Variants in SGCZ observed in about 807,000 individuals in gnomAD.
SGCZ encodes the protein sarcoglycan zeta, also known as zeta-sarcoglycan.
Under a neutral mutation model 41.3 loss-of-function variants are expected in SGCZ, and 40 were observed. That is an observed-to-expected ratio of 0.97 (90% confidence interval 0.75 to 1.26). SGCZ has a LOEUF of 1.26. Among genes scored for constraint, SGCZ ranks in the 50% most tolerant of loss-of-function variants. The probability of loss-of-function intolerance (pLI) is 0.00; values close to 1 mark genes in which losing one functional copy is unlikely to be tolerated. For missense variants in SGCZ, 552 were observed against 369.8 expected (o/e 1.49, Z -4.04); for synonymous variants, 206 against 137.5 (o/e 1.50, Z -3.49).
At chr8:14,408,536 C>T (rs112309629) in intron 2 of SGCZ, among the ~76,000 whole-genome samples, 3,693 of 152,278 alleles carry the variant, frequency 0.024, 107 homozygotes, top group African/African-American at 0.068. Flanking sequence ...GGTTCCCACA[C>T]TTCCAAATTT....
At chr8:14,177,542 T>A (rs1466580059) in intron 4 of SGCZ, among the ~76,000 whole-genome samples, 4 of 152,140 alleles carry the variant, frequency 2.6e-5, no homozygotes, top group Non-Finnish European at 5.9e-5. Context: ...CGGAGTCTCG[T>A]GCTGTCACCC....
intron 2 of SGCZ, among the ~76,000 whole-genome samples, chr8:14,473,634 C>T (rs1056473446): frequency 6.6e-6 from 1 of 151,832 alleles, no homozygotes; most frequent in African/African-American, 2.4e-5. Flanking sequence ...TATATGTCAA[C>T]AGAAGTAAAA....
chr8:14,134,696 C>A (rs1003902107), intron 5 of SGCZ, among the ~76,000 whole-genome samples: 2 of 152,140 alleles, frequency 1.3e-5, no homozygotes, highest in Non-Finnish European at 2.9e-5. Flanking sequence ...CAGGTGTTAG[C>A]TCTCAGCCTA....
At chr8:14,230,282 G>C (rs942164727) in intron 4 of SGCZ, among the ~76,000 whole-genome samples, 1 of 152,060 alleles carries the variant, frequency 6.6e-6, no homozygotes, top group Non-Finnish European at 1.5e-5. Context: ...CTAAATCCCA[G>C]AGACTTGGTC....
intron 1 of SGCZ, among the ~76,000 whole-genome samples, chr8:14,815,629 A>G (rs6530805): frequency 0.37 from 56,988 of 152,098 alleles, 14,797 homozygotes; most frequent in African/African-American, 0.72. Context: ...AGAAATATGC[A>G]GTACCTATTC....
At chr8:14,710,796 A>C (rs1337184884) in intron 1 of SGCZ, among the ~76,000 whole-genome samples, 1 of 152,186 alleles carries the variant, frequency 6.6e-6, no homozygotes, top group African/African-American at 2.4e-5. Context: ...TAGTACTTGG[A>C]ACAACAACAT....
At chr8:14,115,218 T>G (rs79868082) in intron 5 of SGCZ, among the ~76,000 whole-genome samples, 2,539 of 152,098 alleles carry the variant, frequency 0.017, 72 homozygotes, top group African/African-American at 0.057. Context: ...AGAAGTAACA[T>G]ACACACCTGA....
chr8:14,167,191 C>T (rs1377959599), intron 4 of SGCZ, among the ~76,000 whole-genome samples: 1 of 152,070 alleles, frequency 6.6e-6, no homozygotes, highest in Non-Finnish European at 1.5e-5. Context: ...ATATATTAGG[C>T]TTTATGAAAC....
chr8:15,100,622 A>G (rs1806571511), intron 1 of SGCZ, among the ~76,000 whole-genome samples: 1 of 152,202 alleles, frequency 6.6e-6, no homozygotes, highest in Non-Finnish European at 1.5e-5. Context: ...AAAAGGTAAA[A>G]GACTCAGAAT....
At chr8:14,727,113 C>G (rs1810080854) in intron 1 of SGCZ, among the ~76,000 whole-genome samples, 1 of 151,672 alleles carries the variant, frequency 6.6e-6, no homozygotes, top group East Asian at 1.9e-4. Context: ...CAAGTAAATA[C>G]CAAGAGAAAA....
In SGCZ at chr8:14,108,165, G is replaced by C. The variant is rs1802263997; in HGVS notation, c.618C>G (p.Leu206=). ...CAGGTATAAGAGGAAGCCCTTACCT[G>C]AGATCTTGGGATGGCTCTGCTCTGA... The part of the protein sequence containing the change: ...PHIRAEPSQD[L]RLESPTRSLI... The change falls in exon 6 of 8, where the codon CTC becomes CTG. Residue 206 remains leucine (L), a splice_region_variant and synonymous_variant. Transcript: ENST00000382080. 1.2e-6 allele frequency: 2 copies of C among 1,614,048 alleles called. No individual in the cohort carries two copies. Among genetic ancestry groups the C allele is most frequent in the Admixed American group, 3.3e-5 (2 of 60,014 alleles).
intron 3 of SGCZ, among the ~76,000 whole-genome samples, chr8:14,277,924 C>CAG (rs914197199): frequency 5.9e-5 from 9 of 152,084 alleles, no homozygotes; most frequent in South Asian, 2.1e-4. Flanking sequence ...GAAAAAGAGA[C>CAG]AGAGAGAGAG....
intron 1 of SGCZ, among the ~76,000 whole-genome samples, chr8:15,125,350 G>A (rs937545636): frequency 2.0e-5 from 3 of 152,074 alleles, no homozygotes; most frequent in African/African-American, 4.8e-5. Flanking sequence ...TGACCTGGAC[G>A]CTGCAGTTCC....
At chr8:15,061,135 AT>A (rs1456925494) in intron 1 of SGCZ, among the ~76,000 whole-genome samples, 2 of 144,322 alleles carry the variant, frequency 1.4e-5, no homozygotes, top group African/African-American at 2.5e-5. Context: ...ATCTGAATGT[AT>A]CCCCCCAAAC....
intron 5 of SGCZ, among the ~76,000 whole-genome samples, chr8:14,143,131 T>G (rs185624047): frequency 6.6e-6 from 1 of 151,898 alleles, no homozygotes; most frequent in South Asian, 2.1e-4. Flanking sequence ...ATAATAAAAA[T>G]ATCTCAGGAA....
At chr8:15,203,169 T>C (rs1800950423) in intron 1 of SGCZ, among the ~76,000 whole-genome samples, 1 of 152,172 alleles carries the variant, frequency 6.6e-6, no homozygotes, top group South Asian at 2.1e-4. Flanking sequence ...CCCTCTATCC[T>C]ATTATATTCT....
intron 5 of SGCZ, among the ~76,000 whole-genome samples, chr8:14,132,548 T>C (rs1803074034): frequency 6.6e-6 from 1 of 152,230 alleles, no homozygotes; most frequent in African/African-American, 2.4e-5. Flanking sequence ...AACAATATTC[T>C]TATTTTGTTT....
In SGCZ at chr8:14,929,778, A is replaced by G. The variant is rs375034575; in HGVS notation, c.39+307807T>C. 2.2e-4 allele frequency among the ~76,000 whole-genome samples: 34 copies of G among 152,172 alleles called. No homozygotes were observed. The East Asian group carries it at 6.2e-3, about 28-fold the overall frequency. On this transcript the variant is annotated intron_variant, in intron 1 of 7. Coordinates refer to ENST00000382080, the MANE Select transcript of SGCZ (RefSeq NM_139167.4). ...TAATGTCTTTATTGCCCAGAAACAG[A>G]TAACACCTTAACATTAGAAGGATAT... is the stretch of plus-strand genomic sequence containing the variant.
chr8:14,652,403 A>C (rs56198876), intron 1 of SGCZ, among the ~76,000 whole-genome samples: 1 of 147,214 alleles, frequency 6.8e-6, no homozygotes, highest in Non-Finnish European at 1.5e-5. Context: ...TCATAATAAT[A>C]ATATTTGAAC....
Sources: gnomAD v4.1 joint callset for allele counts (sites outside exome capture counted in the v4.1 genomes callset) on GRCh38, gnomAD v4.1.1 for gene constraint, MANE v1.5 for transcripts, NCBI Gene and HGNC (gene_info 2026-07-23, HGNC 2026-07-21) for gene names.